The following PID1 variants were observed in gnomAD, a reference collection of about 807,000 sequenced individuals.
PID1 encodes the protein phosphotyrosine interaction domain containing 1.
In PID1, 10 loss-of-function variants were observed where a neutral mutation model predicts 19.1. The ratio of observed to expected loss-of-function variants is 0.52; its 90% CI spans 0.32 to 0.89. The LOEUF is 0.89. Ranked by LOEUF, PID1 falls within the 40% of genes least tolerant of loss-of-function variation. The probability of loss-of-function intolerance (pLI) is 0.03; values close to 1 mark genes in which losing one functional copy is unlikely to be tolerated. For synonymous variants in PID1, 130 were observed against 116.0 expected, an observed-to-expected ratio of 1.12 and a Z score of -0.78; for missense variants, 248 against 285.3, an observed-to-expected ratio of 0.87 and a Z score of 0.94.
At chr2:229,072,552 C>T (rs942484677) in intron 2 of PID1, among the ~76,000 whole-genome samples, 4 of 151,292 alleles carry the variant, frequency 2.6e-5, no homozygotes, top group Non-Finnish European at 5.9e-5. Flanking sequence ...CGCACCACAT[C>T]GCTCCAGCCT....
chr2:229,043,037 G>A (rs1378105013), intron 2 of PID1, among the ~76,000 whole-genome samples: 1 of 147,880 alleles, frequency 6.8e-6, no homozygotes, highest in African/African-American at 2.5e-5. Context: ...ATGGAGTCTT[G>A]TTCTGTCTCC....
At chr2:229,170,016 A>T (rs576553817) in intron 1 of PID1, among the ~76,000 whole-genome samples, 1 of 152,144 alleles carries the variant, frequency 6.6e-6, no homozygotes, top group South Asian at 2.1e-4. Flanking sequence ...GCCATACCAG[A>T]TCACTTCCGA....
chr2:229,049,781 A>T (rs945123647), intron 2 of PID1, among the ~76,000 whole-genome samples: 1 of 152,200 alleles, frequency 6.6e-6, no homozygotes, highest in Non-Finnish European at 1.5e-5. Context: ...GGGTAAAATC[A>T]GGAAAAGTCA....
chr2:229,074,336 T>C (rs1443423988), intron 2 of PID1, among the ~76,000 whole-genome samples: 35 of 150,590 alleles, frequency 2.3e-4, no homozygotes, highest in Admixed American at 2.3e-3. Flanking sequence ...AAAAAGATAA[T>C]AATAAAAGAA....
intron 1 of PID1, among the ~76,000 whole-genome samples, chr2:229,181,422 T>C (rs1466127107): frequency 2.0e-5 from 3 of 151,980 alleles, no homozygotes; most frequent in South Asian, 2.1e-4. Flanking sequence ...TAAAAAACTA[T>C]ACTATATTCT....
intron 2 of PID1, among the ~76,000 whole-genome samples, chr2:229,066,943 C>T (rs79813941): frequency 2.6e-5 from 4 of 152,182 alleles, no homozygotes; most frequent in East Asian, 1.9e-4. Context: ...TATATGCCAT[C>T]GTTACTATCT....
chr2:229,220,644 T>C (rs2106258082), intron 1 of PID1, among the ~76,000 whole-genome samples: 1 of 152,194 alleles, frequency 6.6e-6, no homozygotes, highest in Non-Finnish European at 1.5e-5. Flanking sequence ...AACCTGGGTC[T>C]TTTCTAGGAT....
intron 1 of PID1, among the ~76,000 whole-genome samples, chr2:229,199,745 T>TATATATATATATAC (rs1491155550): frequency 1.6e-5 from 2 of 122,534 alleles, no homozygotes; most frequent in Non-Finnish European, 3.6e-5. Flanking sequence ...TATATATATA[T>TATATATATATATAC]ACACATACAC....
At chr2:229,070,409 A>G (rs569829421) in intron 2 of PID1, among the ~76,000 whole-genome samples, 24 of 152,340 alleles carry the variant, frequency 1.6e-4, no homozygotes, top group African/African-American at 5.5e-4. Context: ...GAGATAACCC[A>G]TGTAAAGGGC....
intron 1 of PID1, among the ~76,000 whole-genome samples, chr2:229,156,947 T>C (rs535295212): frequency 4.6e-5 from 7 of 152,316 alleles, no homozygotes; most frequent in Middle Eastern, 3.4e-3. Flanking sequence ...ATCACGCTGC[T>C]CCTGTCGTAG....
chr2:229,240,748 A>AT (rs1689847119), intron 1 of PID1, among the ~76,000 whole-genome samples: 1 of 152,058 alleles, frequency 6.6e-6, no homozygotes, highest in African/African-American at 2.4e-5. Flanking sequence ...TCAAGTTAAT[A>AT]TTTTTCACCA....
intron 2 of PID1, among the ~76,000 whole-genome samples, chr2:229,087,282 A>G (rs1415478471): frequency 6.6e-6 from 1 of 152,200 alleles, no homozygotes; most frequent in Non-Finnish European, 1.5e-5. Context: ...GGAACTCAGC[A>G]TATTTTTAAG....
intron 2 of PID1, among the ~76,000 whole-genome samples, chr2:229,139,056 A>AGC (rs1689935954): frequency 2.2e-5 from 1 of 45,222 alleles, no homozygotes; most frequent in Non-Finnish European, 4.6e-5. Flanking sequence ...AAAGAAAGAA[A>AGC]GAGAAAGAAA....
rs572428428 is a variant in PID1, at chr2:229,057,871, C to T, written c.178-31763G>A. On this transcript the variant is annotated intron_variant, in intron 2 of 2. Transcript: ENST00000392055. ...TTCTACCTCCACATTCCTTAAAAGC[C>T]GGATAGGAGCAGAAGATACGTAAAA... Among the ~76,000 whole-genome samples the T allele has an allele frequency of 4.6e-5, 7 of 152,214 alleles. No individual in the cohort carries two copies. In the East Asian group the frequency reaches 5.8e-4, roughly 13 times the overall value.
At chr2:229,242,870 C>T (rs1178984183) in intron 1 of PID1, among the ~76,000 whole-genome samples, 2 of 152,078 alleles carry the variant, frequency 1.3e-5, no homozygotes, top group Non-Finnish European at 2.9e-5. Flanking sequence ...AGTCCTTCTC[C>T]AACCCTTCAG....
intron 2 of PID1, among the ~76,000 whole-genome samples, chr2:229,084,162 G>A (rs563269809): frequency 1.3e-5 from 2 of 152,110 alleles, no homozygotes; most frequent in Admixed American, 6.6e-5. Flanking sequence ...AACTATACAC[G>A]AGGAGGTACT....
chr2:229,234,238 C>G (rs1692275880), intron 1 of PID1, among the ~76,000 whole-genome samples: 1 of 152,170 alleles, frequency 6.6e-6, no homozygotes. Flanking sequence ...ATCAGCTAGA[C>G]TTCAGGTATA....
intron 2 of PID1, among the ~76,000 whole-genome samples, chr2:229,045,320 G>A (rs1377590050): frequency 2.0e-5 from 3 of 152,170 alleles, no homozygotes; most frequent in African/African-American, 7.2e-5. Context: ...GTGAATAAGT[G>A]ATAATAGTTG....
intron 1 of PID1, among the ~76,000 whole-genome samples, chr2:229,242,072 T>G (rs1424031729): frequency 6.6e-6 from 1 of 152,102 alleles, no homozygotes; most frequent in Non-Finnish European, 1.5e-5. Flanking sequence ...TACATCATTA[T>G]TTCACCCAGG....
Sources: allele counts gnomAD v4.1 joint callset (sites outside exome capture counted in the v4.1 genomes callset), GRCh38; gene constraint gnomAD v4.1.1; transcripts MANE v1.5; gene names NCBI Gene and HGNC (gene_info 2026-07-23, HGNC 2026-07-21).